PLXDC1: variants seen among roughly 807,000 people sequenced by gnomAD.
The protein encoded by PLXDC1 is plexin domain-containing protein 1.
Under a neutral mutation model 61.3 loss-of-function variants are expected in PLXDC1, and 39 were observed. The ratio of observed to expected loss-of-function variants is 0.64; its 90% CI spans 0.49 to 0.83. The LOEUF (loss-of-function observed/expected upper bound fraction) is 0.83, where lower values mean the gene tolerates loss of function less well. PLXDC1 is among the 40% of genes least tolerant of loss of function. PLXDC1 has a pLI of 0.00. For missense variants in PLXDC1, 596 were observed against 666.5 expected (o/e 0.89, Z 1.17); for synonymous variants, 212 against 254.5 (o/e 0.83, Z 1.59).
intron 8 of PLXDC1, among the ~76,000 whole-genome samples, chr17:39,085,347 C>G (rs952704223): frequency 1.3e-5 from 2 of 152,366 alleles, no homozygotes; most frequent in African/African-American, 4.8e-5. Flanking sequence ...GAAGCAGGGG[C>G]TGCCCTGTGC....
intron 2 of PLXDC1, among the ~76,000 whole-genome samples, chr17:39,136,961 G>A (rs1207230195): frequency 6.6e-6 from 1 of 152,178 alleles, no homozygotes; most frequent in African/African-American, 2.4e-5. Flanking sequence ...TAACCATGAG[G>A]AATTGTAGAA....
At chr17:39,128,165 A>ATATATATGTGTG (rs766005933) in intron 2 of PLXDC1, among the ~76,000 whole-genome samples, 5 of 99,148 alleles carry the variant, frequency 5.0e-5, no homozygotes, top group Admixed American at 1.1e-4. Flanking sequence ...ATATATATGT[A>ATATATATGTGTG]TATATATGTA....
intron 2 of PLXDC1, among the ~76,000 whole-genome samples, chr17:39,115,630 C>G (rs9901695): frequency 2.0e-5 from 3 of 152,292 alleles, no homozygotes; most frequent in East Asian, 1.9e-4. Context: ...GGGGATCACT[C>G]CTGGGCAGAG....
chr17:39,111,269 A>G (rs1910790659), intron 2 of PLXDC1, among the ~76,000 whole-genome samples: 1 of 152,000 alleles, frequency 6.6e-6, no homozygotes, highest in Admixed American at 6.6e-5. Flanking sequence ...TGGTCATTCA[A>G]CACTCGGCTT....
At chr17:39,086,391 C>T (rs1909741250) in intron 8 of PLXDC1, among the ~76,000 whole-genome samples, 1 of 152,224 alleles carries the variant, frequency 6.6e-6, no homozygotes, top group South Asian at 2.1e-4. Flanking sequence ...CTGTCTGAGA[C>T]ATGGCCTAGC....
chr17:39,114,455 A>T (rs1234251923), intron 2 of PLXDC1, among the ~76,000 whole-genome samples: 1 of 152,012 alleles, frequency 6.6e-6, no homozygotes, highest in Non-Finnish European at 1.5e-5. Flanking sequence ...TTCCCATCAC[A>T]CCCTGTGCTT....
At chr17:39,104,876 C>T (rs986984203) in intron 7 of PLXDC1, among the ~76,000 whole-genome samples, 2 of 152,176 alleles carry the variant, frequency 1.3e-5, no homozygotes, top group African/African-American at 4.8e-5. Context: ...CATAGTGGCC[C>T]AGTGTGTAAG....
At chr17:39,128,082 T>TATGTATATATATATATATATA (rs1407166895) in intron 2 of PLXDC1, among the ~76,000 whole-genome samples, 2 of 122,418 alleles carry the variant, frequency 1.6e-5, no homozygotes, top group African/African-American at 3.3e-5. Context: ...TCTCTCTCTC[T>TATGTATATATATATATATATA]CTCTCTCTCT....
In PLXDC1 at chr17:39,139,667, C is replaced by CTGTTATCTGGCTTAGGCTA; in HGVS notation, c.241_242insTAGCCTAAGCCAGATAACA (p.Arg81IlefsTer3). 1.2e-6 allele frequency: 2 copies of CTGTTATCTGGCTTAGGCTA among 1,613,178 alleles called. No homozygotes were observed. Among genetic ancestry groups the CTGTTATCTGGCTTAGGCTA allele is most frequent in the Non-Finnish European group, 1.7e-6 (2 of 1,179,672 alleles). On this transcript the variant is annotated stop_gained and frameshift_variant, in exon 2 of 14. Transcript: ENST00000315392. LOFTEE classifies it high-confidence loss of function. ...TCCAGCACTCACCACCACCCTGGTCCTGTTATCTGGCAGCGTGTCCATGGC... is the reference window on the plus strand; with the variant it reads ...TCCAGCACTCACCACCACCCTGGTCCTGTTATCTGGCTTAGGCTATGTTATCTGGCAGCGTGTCCATGGC...
At chr17:39,068,301 T>C (rs1273845088) in intron 13 of PLXDC1, among the ~76,000 whole-genome samples, 1 of 152,210 alleles carries the variant, frequency 6.6e-6, no homozygotes, top group Non-Finnish European at 1.5e-5. Context: ...ATGGCTGGCA[T>C]GATGCTTGAG....
rs535683455 is a variant in PLXDC1, at chr17:39,128,729, C to T, written c.255+10925G>A. On this transcript the variant is annotated intron_variant, in intron 2 of 13. Transcript: ENST00000315392. ...TCCCAAGGAATTCAAAACAGATACTCGCCGGGTGCAGTGGCTCACGCCTGT... is the reference window on the plus strand; with the variant it reads ...TCCCAAGGAATTCAAAACAGATACTTGCCGGGTGCAGTGGCTCACGCCTGT... Among the ~76,000 whole-genome samples, 216 of 152,002 alleles carry T rather than the reference C, an allele frequency of 1.4e-3. 1 individual carries two copies. The highest frequency in any genetic ancestry group is 5.0e-3 in the African/African-American group (206 of 41,502).
chr17:39,087,724 T>G (rs1236193267), intron 7 of PLXDC1, 22 bp from the exon 8 acceptor site: 11 of 1,575,428 alleles, frequency 7.0e-6, no homozygotes, highest in Non-Finnish European at 9.6e-6. Context: ...GCAGAGCCTG[T>G]TGTCAGGAGC....
rs1168441105 is a variant in PLXDC1, at chr17:39,064,538, C to T, written c.*3302G>A. 6.6e-6 allele frequency: 1 copy of T among 152,190 alleles called. No homozygotes were observed. Among genetic ancestry groups the T allele is most frequent in the Non-Finnish European group, 1.5e-5 (1 of 68,044 alleles). 9.4% of individuals were successfully genotyped at this position (152,190 alleles called of 1,614,324 possible). A position where few individuals can be genotyped will look rare whatever the true frequency, so the allele number is the denominator to read the frequency against. On this transcript the variant is annotated 3_prime_UTR_variant, in exon 14 of 14. Coordinates refer to ENST00000315392, the MANE Select transcript of PLXDC1 (RefSeq NM_020405.5). ...ATCACAGCCTCTTCTTAGTCATACC[C>T]ATTTATACATGTCATGAGGGTCATT...
rs367716934 is a variant in PLXDC1 at position 39,140,316 on chromosome 17, C to CTTTTTCTTTTTT, written c.77-485_77-484insAAAAAAGAAAAA. On this transcript the variant is annotated intron_variant, in intron 1 of 13. Transcript: ENST00000315392. Reference sequence around the variant, plus strand: ...GGGCATTCAATTTCTTTTTCTTTTTCTTTTTTTGAAATGGAGTCTCGCTCT... The same window carrying CTTTTTCTTTTTT: ...GGGCATTCAATTTCTTTTTCTTTTTCTTTTTCTTTTTTTTTTTTTGAAATGGAGTCTCGCTCT... Among the ~76,000 whole-genome samples the CTTTTTCTTTTTT allele has an allele frequency of 5.3e-4, 80 of 151,138 alleles. No individual in the cohort carries two copies. The East Asian group carries it at 7.8e-3, about 15-fold the overall frequency.
At chr17:39,088,931 A>C (rs899160666) in intron 7 of PLXDC1, among the ~76,000 whole-genome samples, 1 of 132,246 alleles carries the variant, frequency 7.6e-6, no homozygotes, top group African/African-American at 2.7e-5. Context: ...CCTGGGTGAC[A>C]AGAGCAAGAC....
At chr17:39,110,666 G>A (rs970088216) in intron 2 of PLXDC1, among the ~76,000 whole-genome samples, 4 of 152,158 alleles carry the variant, frequency 2.6e-5, no homozygotes, top group Admixed American at 1.3e-4. Flanking sequence ...CGGTGGTGGC[G>A]GCAGACACAG....
At chr17:39,079,443 A>C in intron 9 of PLXDC1, 4 of 527,166 alleles carry the variant, frequency 7.6e-6, no homozygotes, top group Non-Finnish European at 1.5e-5. Flanking sequence ...AGTGATCCTC[A>C]AGGTCGCCTT....
At position 39,108,639 on chromosome 17, in the gene PLXDC1, A is replaced by G. The variant is rs1255659074; in HGVS notation, c.469+265T>C. ...AGTCTCCCTCTCCCTCTTATTCAGC[A>G]ACTCCGGGACACAGGGCTGTCCACA... On this transcript the variant is annotated intron_variant, in intron 4 of 13. Transcript: ENST00000315392. The G allele has an allele frequency of 1.3e-5, 7 of 535,574 alleles. No individual in the cohort carries two copies. The African/African-American group carries it at 1.3e-4, about 10-fold the overall frequency. The allele number at this position is 535,574 out of a possible 1,614,324, so 33.2% of individuals were successfully genotyped here.
chr17:39,115,434 G>A (rs763564521), intron 2 of PLXDC1, among the ~76,000 whole-genome samples: 2 of 152,230 alleles, frequency 1.3e-5, no homozygotes, highest in African/African-American at 4.8e-5. Flanking sequence ...TGGCTCAAGG[G>A]CAATGCCATG....
Sources: allele counts gnomAD v4.1 joint callset (sites outside exome capture counted in the v4.1 genomes callset), GRCh38; gene constraint gnomAD v4.1.1; transcripts MANE v1.5; gene names NCBI Gene and HGNC (gene_info 2026-07-23, HGNC 2026-07-21).